PTPRN2: variants seen among roughly 807,000 people sequenced by gnomAD.
PTPRN2 encodes the protein protein tyrosine phosphatase receptor type N2.
Under a neutral mutation model 118.8 loss-of-function variants are expected in PTPRN2, and 74 were observed. The ratio of observed to expected loss-of-function variants is 0.62; its 90% CI spans 0.52 to 0.76. The LOEUF is 0.76. PTPRN2 is among the 30% of genes least tolerant of loss of function. The probability of loss-of-function intolerance (pLI) is 0.00; values close to 1 mark genes in which losing one functional copy is unlikely to be tolerated. For synonymous variants in PTPRN2, 641 were observed against 608.0 expected, an observed-to-expected ratio of 1.05 and a Z score of -0.80; for missense variants, 1,481 against 1,394.4, an observed-to-expected ratio of 1.06 and a Z score of -0.99.
intron 12 of PTPRN2, among the ~76,000 whole-genome samples, chr7:157,738,217 G>A (rs1322730045): frequency 6.6e-6 from 1 of 152,216 alleles, no homozygotes; most frequent in Non-Finnish European, 1.5e-5. Context: ...TGACCCAGGG[G>A]GACGTATCTG....
At chr7:158,398,599 GA>G (rs1812708804) in intron 2 of PTPRN2, among the ~76,000 whole-genome samples, 1 of 152,316 alleles carries the variant, frequency 6.6e-6, no homozygotes, top group East Asian at 1.9e-4. Flanking sequence ...CACATAGTTT[GA>G]AAAATCTAAG....
chr7:158,060,131 C>T (rs1303206184), intron 11 of PTPRN2, among the ~76,000 whole-genome samples: 47 of 103,902 alleles, frequency 4.5e-4, no homozygotes, highest in African/African-American at 1.9e-3. Context: ...CATCTGCACA[C>T]GGTGACACAT....
chr7:158,107,961 C>T (rs145643422), intron 10 of PTPRN2, among the ~76,000 whole-genome samples: 165 of 151,720 alleles, frequency 1.1e-3, no homozygotes, highest in African/African-American at 3.7e-3. Context: ...CAACTTGATG[C>T]ACCTGCCCCC....
chr7:157,878,478 C>A (rs1030161949), intron 12 of PTPRN2, among the ~76,000 whole-genome samples: 1 of 146,060 alleles, frequency 6.8e-6, no homozygotes, highest in African/African-American at 2.6e-5. Flanking sequence ...CTGGAAGGGT[C>A]AGTGTGATAC....
chr7:157,851,720 G>C (rs557485254), intron 12 of PTPRN2, among the ~76,000 whole-genome samples: 1 of 152,248 alleles, frequency 6.6e-6, no homozygotes, highest in Non-Finnish European at 1.5e-5. Context: ...CAATCAGGCC[G>C]TGTGGAGGCA....
Position 157,549,850 on chromosome 7 carries a change from G to A in PTPRN2, c.2903-831C>T, listed in dbSNP as rs148903722. On this transcript the variant is annotated intron_variant, in intron 21 of 22. Transcript: ENST00000389418. ...GAGGAGCAGGAGGCAGCTCCGAAGCGGGTCAGAATCCCACAGGGAAACCCA... is the reference window on the plus strand; with the variant it reads ...GAGGAGCAGGAGGCAGCTCCGAAGCAGGTCAGAATCCCACAGGGAAACCCA... 4.6e-3 allele frequency among the ~76,000 whole-genome samples: 694 copies of A among 152,292 alleles called. 1 individual carries two copies. The highest frequency in any genetic ancestry group is 0.01 in the Middle Eastern group (3 of 294).
Position 158,209,863 on chromosome 7 carries a change from A to G in PTPRN2, c.278-4590T>C, listed in dbSNP as rs183214705. 5.1e-3 allele frequency among the ~76,000 whole-genome samples: 776 copies of G among 152,364 alleles called. 4 individuals are homozygous for G. Among genetic ancestry groups the G allele is most frequent in the African/African-American group, 0.018 (729 of 41,594 alleles). On this transcript the variant is annotated intron_variant, in intron 3 of 22. Transcript: ENST00000389418. ...ATATCAAGTATCTTCTCTGACCACA[A>G]TGGAATAACACTAGAAATCAATAAC...
At chr7:158,016,563 G>A (rs1806474725) in intron 11 of PTPRN2, among the ~76,000 whole-genome samples, 1 of 152,172 alleles carries the variant, frequency 6.6e-6, no homozygotes, top group Non-Finnish European at 1.5e-5. Context: ...GGCAACAATT[G>A]GACAAGCAAG....
At chr7:157,614,016 CACAAGCA>C in intron 15 of PTPRN2, 1 of 471,220 alleles carries the variant, frequency 2.1e-6, no homozygotes, top group South Asian at 1.5e-5. Flanking sequence ...GGTGGAAGAC[CACAAGCA>C]ACGGGATGCC....
At chr7:157,911,520 G>T (rs1006542819) in intron 11 of PTPRN2, among the ~76,000 whole-genome samples, 4 of 151,794 alleles carry the variant, frequency 2.6e-5, no homozygotes, top group African/African-American at 9.7e-5. Flanking sequence ...GAAGTTTTGG[G>T]GTTAATTTGT....
chr7:158,261,319 G>C (rs1440045799), intron 3 of PTPRN2, among the ~76,000 whole-genome samples: 2 of 146,870 alleles, frequency 1.4e-5, no homozygotes, highest in African/African-American at 5.0e-5. Flanking sequence ...AGGGCAAGGA[G>C]TCAGGGGGAG....
intron 11 of PTPRN2, among the ~76,000 whole-genome samples, chr7:158,065,836 C>T (rs570899083): frequency 6.6e-6 from 1 of 152,264 alleles, no homozygotes; most frequent in African/African-American, 2.4e-5. Context: ...GAAATTACCC[C>T]AGAGCATGGG....
chr7:157,932,605 ACT>A (rs1035132160), intron 11 of PTPRN2, among the ~76,000 whole-genome samples: 4 of 149,472 alleles, frequency 2.7e-5, no homozygotes, highest in African/African-American at 5.0e-5. Flanking sequence ...AGGGTGAGTC[ACT>A]CTGACAGTTT....
At position 157,834,857 on chromosome 7, in the gene PTPRN2, C is replaced by T. The variant is rs117832957; in HGVS notation, c.1788+63816G>A. 7.2e-3 allele frequency among the ~76,000 whole-genome samples: 1,095 copies of T among 152,340 alleles called. 41 individuals are homozygous for T. The South Asian group carries it at 0.12, about 16-fold the overall frequency. Reference sequence around the variant, plus strand: ...GTGTTGTCAATAAGAGCACCGGACCCAGCTTTCAATGCTTCTCTTAGCAAA... The same window carrying T: ...GTGTTGTCAATAAGAGCACCGGACCTAGCTTTCAATGCTTCTCTTAGCAAA... On this transcript the variant is annotated intron_variant, in intron 12 of 22. Coordinates refer to ENST00000389418, the MANE Select transcript of PTPRN2 (RefSeq NM_002847.5).
intron 21 of PTPRN2, 145 bp from the exon 22 acceptor site, chr7:157,549,164 C>T: frequency 2.6e-6 from 2 of 762,294 alleles, no homozygotes; most frequent in South Asian, 1.6e-5. Context: ...TGGCAGGCGG[C>T]TGCAATTTCA....
intron 2 of PTPRN2, among the ~76,000 whole-genome samples, chr7:158,408,503 GT>G (rs1384198737): frequency 6.6e-6 from 1 of 152,190 alleles, no homozygotes; most frequent in Non-Finnish European, 1.5e-5. Context: ...ACTGCACGTG[GT>G]GGACTCATAC....
Position 157,964,418 on chromosome 7 carries a change from A to G in PTPRN2, c.1724-65681T>C, listed in dbSNP as rs536649982. Among the ~76,000 whole-genome samples the G allele has an allele frequency of 1.3e-5, 2 of 151,798 alleles. No homozygotes were observed. The highest frequency in any genetic ancestry group is 4.8e-5 in the African/African-American group (2 of 41,306). On this transcript the variant is annotated intron_variant, in intron 11 of 22. Transcript: ENST00000389418. The surrounding 1 kb of genome is among the most constrained non-coding windows in gnomAD (Gnocchi z 9.0). The stretch of plus-strand genomic sequence containing the variant: ...TATTAGGATGACATTTGACCCTAAC[A>G]TTCCAGTTTTGTGCTACCAAAAAAA...
At chr7:158,470,225 C>T (rs1819754954) in intron 2 of PTPRN2, among the ~76,000 whole-genome samples, 1 of 152,212 alleles carries the variant, frequency 6.6e-6, no homozygotes, top group Admixed American at 6.5e-5. Context: ...AAAATTTATT[C>T]TGTTTTGCAG....
chr7:158,146,123 C>G (rs553026924), intron 6 of PTPRN2, among the ~76,000 whole-genome samples: 1 of 152,266 alleles, frequency 6.6e-6, no homozygotes, highest in Admixed American at 6.5e-5. Flanking sequence ...GCTCTCGCCA[C>G]AGCTCATTGT....
Sources: gnomAD v4.1 joint callset for allele counts (sites outside exome capture counted in the v4.1 genomes callset) on GRCh38, gnomAD v4.1.1 for gene constraint, Gnocchi (gnomAD v3.1) non-coding constraint, MANE v1.5 for transcripts, NCBI Gene and HGNC (gene_info 2026-07-23, HGNC 2026-07-21) for gene names.